Variants in HDAC4 observed in about 807,000 individuals in gnomAD.
The protein encoded by HDAC4 is histone deacetylase 4.
HDAC4 carries 16 observed loss-of-function variants against 135.1 expected under a neutral mutation model. The ratio of observed to expected loss-of-function variants is 0.12; its 90% CI spans 0.08 to 0.18. HDAC4 has a LOEUF of 0.18. HDAC4 is among the 10% of genes least tolerant of loss of function. The probability of loss-of-function intolerance (pLI) is 1.00; values close to 1 mark genes in which losing one functional copy is unlikely to be tolerated. For missense variants in HDAC4, 1,143 were observed against 1,511.8 expected (o/e 0.76, Z 4.05); for synonymous variants, 685 against 653.4 (o/e 1.05, Z -0.74).
intron 3 of HDAC4, among the ~76,000 whole-genome samples, chr2:239,227,940 T>G (rs2153150399): frequency 6.6e-6 from 1 of 152,318 alleles, no homozygotes; most frequent in Admixed American, 6.5e-5. Context: ...AAGACACATT[T>G]TCAACGCAAT....
intron 2 of HDAC4, among the ~76,000 whole-genome samples, chr2:239,280,773 ACAC>A (rs1384240572): frequency 6.6e-6 from 1 of 151,962 alleles, no homozygotes; most frequent in African/African-American, 2.4e-5. Context: ...CACAATGTAC[ACAC>A]CACTCTACAA....
intron 24 of HDAC4, among the ~76,000 whole-genome samples, chr2:239,060,790 C>T (rs2032575974): frequency 6.6e-6 from 1 of 152,246 alleles, no homozygotes; most frequent in Non-Finnish European, 1.5e-5. Context: ...CTGTCACAAG[C>T]AAACCCGGAG....
intron 17 of HDAC4, among the ~76,000 whole-genome samples, chr2:239,090,549 G>A (rs909637825): frequency 2.0e-5 from 3 of 151,216 alleles, no homozygotes; most frequent in Non-Finnish European, 4.4e-5. Context: ...AGGCTGAGGC[G>A]GGAAGATCAC....
At chr2:239,252,646 A>G (rs1028539928) in intron 2 of HDAC4, among the ~76,000 whole-genome samples, 3 of 152,014 alleles carry the variant, frequency 2.0e-5, no homozygotes, top group Admixed American at 2.0e-4. Flanking sequence ...TGTGCCCGCC[A>G]CCTCCTCCCC....
In HDAC4 at chr2:239,295,799, A is replaced by G. The variant is rs139370813; in HGVS notation, c.22+56879T>C. On this transcript the variant is annotated intron_variant, in intron 2 of 26. Transcript: ENST00000543185. Reference sequence around the variant, plus strand: ...TGACTTTTGCACAAACAGACCAAAGAAGTGGGCCACCTGTGTGAGTTCTAG... The same window carrying G: ...TGACTTTTGCACAAACAGACCAAAGGAGTGGGCCACCTGTGTGAGTTCTAG... Among the ~76,000 whole-genome samples the G allele has an allele frequency of 2.9e-3, 447 of 152,316 alleles. 2 individuals are homozygous for G. Among genetic ancestry groups the G allele is most frequent in the African/African-American group, 0.01 (426 of 41,556 alleles).
intron 2 of HDAC4, among the ~76,000 whole-genome samples, chr2:239,347,078 C>G (rs1397198857): frequency 6.6e-6 from 1 of 151,864 alleles, no homozygotes; most frequent in Non-Finnish European, 1.5e-5. Context: ...AAAACACACA[C>G]CCTAACACAC....
intron 5 of HDAC4, among the ~76,000 whole-genome samples, chr2:239,170,008 T>C (rs1222673291): frequency 6.6e-6 from 1 of 152,268 alleles, no homozygotes; most frequent in East Asian, 1.9e-4. Flanking sequence ...AGAGGCCTTC[T>C]ACCTTGAAAT....
intron 3 of HDAC4, among the ~76,000 whole-genome samples, chr2:239,216,863 G>T (rs915414405): frequency 6.6e-6 from 1 of 152,220 alleles, no homozygotes; most frequent in African/African-American, 2.4e-5. Flanking sequence ...AAGTCAGAAT[G>T]TGCACAGGAA....
At chr2:239,373,394 G>C (rs1015671903) in intron 1 of HDAC4, among the ~76,000 whole-genome samples, 7 of 152,184 alleles carry the variant, frequency 4.6e-5, no homozygotes, top group Admixed American at 3.9e-4. Context: ...TGGTCACACT[G>C]AGCGTTCATT....
At chr2:239,325,296 G>A (rs1165891176) in intron 2 of HDAC4, among the ~76,000 whole-genome samples, 1 of 152,132 alleles carries the variant, frequency 6.6e-6, no homozygotes, top group Non-Finnish European at 1.5e-5. Context: ...AGAGTGAAAT[G>A]ACAACCTACA....
At chr2:239,212,656 C>T (rs111312037) in intron 3 of HDAC4, among the ~76,000 whole-genome samples, 64 of 152,320 alleles carry the variant, frequency 4.2e-4, no homozygotes, top group African/African-American at 1.3e-3. Flanking sequence ...AGGGCAGGAG[C>T]GCCAGCATGG....
chr2:239,111,655 T>C lies in HDAC4; in HGVS notation c.1849A>G (p.Met617Val). The C allele has an allele frequency of 6.2e-7, 1 of 1,606,234 alleles. No individual in the cohort carries two copies. Among genetic ancestry groups the C allele is most frequent in the South Asian group, 1.1e-5 (1 of 89,724 alleles). Residue 617 changes from methionine to valine, a missense_variant, in exon 14 of 27, where the codon ATG (methionine) becomes GTG (valine). Transcript: ENST00000543185. ...IHQLRNYQAS[M>V]EAAGIPVSFG... is the part of the protein sequence containing the mutation. ...GACACGGGGATGCCGGCGGCCTCCA[T>C]GGACGCCTGGTAGTTCCTCAGCTGG... is the stretch of plus-strand genomic sequence containing the variant.
Position 239,139,627 on chromosome 2 carries a change from C to T in HDAC4, c.978+57G>A. The T allele has an allele frequency of 2.0e-6, 3 of 1,470,794 alleles. No individual in the cohort carries two copies. Among genetic ancestry groups the T allele is most frequent in the Non-Finnish European group, 2.9e-6 (3 of 1,049,602 alleles). 91.1% of individuals were successfully genotyped at this position (1,470,794 alleles called of 1,614,324 possible). A position where few individuals can be genotyped will look rare whatever the true frequency, so the allele number is the denominator to read the frequency against. ...GTGCAAAGTGGGGTCATTTCAAGCT[C>T]ATCCGTCCCGAGTCCGACTCTAGCC... On this transcript the variant is annotated intron_variant, in intron 9 of 26. Coordinates refer to ENST00000543185, the MANE Select transcript of HDAC4 (RefSeq NM_001378414.1). The surrounding 1 kb of genome is among the most constrained non-coding windows in gnomAD (Gnocchi z 5.3).
At chr2:239,228,970 C>G (rs1434268759) in intron 3 of HDAC4, among the ~76,000 whole-genome samples, 1 of 152,014 alleles carries the variant, frequency 6.6e-6, no homozygotes. Flanking sequence ...GGTGAAACCT[C>G]GTCTCTACTA....
chr2:239,246,923 C>T (rs539374760), intron 2 of HDAC4, among the ~76,000 whole-genome samples: 16 of 152,356 alleles, frequency 1.1e-4, no homozygotes, highest in African/African-American at 3.1e-4. Context: ...GCGCTGGGAG[C>T]GTGCGAGGAG....
At chr2:239,320,744 A>C (rs2125761170) in intron 2 of HDAC4, among the ~76,000 whole-genome samples, 1 of 152,334 alleles carries the variant, frequency 6.6e-6, no homozygotes, top group Middle Eastern at 3.4e-3. Flanking sequence ...CATACTGAAC[A>C]CATGTGCTAC....
At position 239,400,522 on chromosome 2, in the gene HDAC4, GGT is replaced by G. The variant is rs1378320588; in HGVS notation, c.-220+454_-220+455del. ...GGCCGGGCGGCCCTGGGGACCGGCG[GGT>G]CCCACGGCGCGCGGCCAGCGCTGGC... On this transcript the variant is annotated intron_variant, in intron 1 of 26. Coordinates refer to ENST00000543185, the MANE Select transcript of HDAC4 (RefSeq NM_001378414.1). This position sits in a 1 kb window ranked among gnomAD's most constrained non-coding sequence, Gnocchi z 4.7. 1 of 145,794 alleles carries G rather than the reference GGT, an allele frequency of 6.9e-6. No homozygotes were observed. The highest frequency in any genetic ancestry group is 1.5e-5 in the Non-Finnish European group (1 of 65,600). 9.0% of individuals were successfully genotyped at this position (145,794 alleles called of 1,614,324 possible). A position where few individuals can be genotyped will look rare whatever the true frequency, so the allele number is the denominator to read the frequency against.
intron 1 of HDAC4, among the ~76,000 whole-genome samples, chr2:239,365,152 A>G (rs1324752239): frequency 6.6e-6 from 1 of 152,246 alleles, no homozygotes; most frequent in Non-Finnish European, 1.5e-5. Flanking sequence ...CTATACAGTG[A>G]GTTTAATAAG....
chr2:239,082,313 T>C, intron 20 of HDAC4, 92 bp from the exon 21 acceptor site: 1 of 1,499,160 alleles, frequency 6.7e-7, no homozygotes, highest in East Asian at 2.3e-5. Context: ...TTGTGCTTAG[T>C]GACAACGGCT....
Sources: gnomAD v4.1 joint callset for allele counts (sites outside exome capture counted in the v4.1 genomes callset) on GRCh38, gnomAD v4.1.1 for gene constraint, Gnocchi (gnomAD v3.1) non-coding constraint, MANE v1.5 for transcripts, NCBI Gene and HGNC (gene_info 2026-07-23, HGNC 2026-07-21) for gene names.